BTAF1: variants seen among roughly 807,000 people sequenced by gnomAD.
The protein encoded by BTAF1 is B-TFIID TATA-box binding protein associated factor 1.
Under a neutral mutation model 227.1 loss-of-function variants are expected in BTAF1, and 38 were observed. The observed-to-expected ratio is 0.17, with a 90% CI of 0.13 to 0.22. BTAF1 has a LOEUF of 0.22. Ranked by LOEUF, BTAF1 falls within the 10% of genes least tolerant of loss-of-function variation. BTAF1 has a pLI of 1.00. For synonymous variants in BTAF1, 742 were observed against 751.9 expected, an observed-to-expected ratio of 0.99 and a Z score of 0.21; for missense variants, 1,598 against 2,204.0, an observed-to-expected ratio of 0.73 and a Z score of 5.51.
chr10:91,923,985 C>A lies in BTAF1; in HGVS notation c.-92C>A. The stretch of plus-strand genomic sequence containing the variant: ...CCGGCCGCTCCCCTGTGCTCCGCGG[C>A]CTGGGCCTGCGCCGCTCAGCTCTCT... On this transcript the variant is annotated 5_prime_UTR_variant, in exon 1 of 38. Coordinates refer to ENST00000265990, the MANE Select transcript of BTAF1 (RefSeq NM_003972.3). The A allele has an allele frequency of 1.3e-6, 2 of 1,485,254 alleles. No homozygotes were observed. The highest frequency in any genetic ancestry group is 2.4e-5 in the Admixed American group (1 of 41,902). 92.0% of individuals were successfully genotyped at this position (1,485,254 alleles called of 1,614,324 possible). A position where few individuals can be genotyped will look rare whatever the true frequency, so the allele number is the denominator to read the frequency against.
intron 34 of BTAF1, among the ~76,000 whole-genome samples, chr10:92,024,335 AT>A (rs948032820): frequency 8.5e-5 from 13 of 152,150 alleles, no homozygotes; most frequent in Admixed American, 2.6e-4. Flanking sequence ...TTCAATAAAC[AT>A]TTATTGAGGC....
intron 19 of BTAF1, among the ~76,000 whole-genome samples, chr10:91,985,010 A>G (rs1229445104): frequency 3.9e-5 from 6 of 152,026 alleles, no homozygotes; most frequent in African/African-American, 1.4e-4. Flanking sequence ...TGTTCTGAGG[A>G]AAAATTTATG....
chr10:91,924,222 G>A (rs1589718164), intron 1 of BTAF1, 132 bp downstream of exon 1: 1 of 1,265,878 alleles, frequency 7.9e-7, no homozygotes, highest in East Asian at 2.9e-5. Context: ...AGTAGACTTC[G>A]GAGTTCGCCC....
In BTAF1 at chr10:91,942,479, A is replaced by C. The variant is rs750142443; in HGVS notation, c.311A>C (p.Asp104Ala). 4 of 1,614,020 alleles carry C rather than the reference A, an allele frequency of 2.5e-6. No individual in the cohort carries two copies. The South Asian group carries it at 4.4e-5, about 18-fold the overall frequency. ...DSPTTERLNF[D>A]RFDICRLLQH... ...CCTACTACAGAGCGATTGAATTTTG[A>C]CAGATTTGATATATGTAGATTGTTA... Residue 104 changes from aspartate (D) to alanine (A), a missense_variant, in exon 4 of 38, where the codon GAC (aspartate) becomes GCC (alanine). Physicochemically the swap from Asp to Ala is moderately radical, Grantham distance 126 (BLOSUM62 -2). Coordinates refer to ENST00000265990, the MANE Select transcript of BTAF1 (RefSeq NM_003972.3).
At chr10:91,977,698 C>G (rs540038314) in intron 14 of BTAF1, among the ~76,000 whole-genome samples, 160 of 152,234 alleles carry the variant, frequency 1.1e-3, no homozygotes, top group Non-Finnish European at 1.8e-3. Context: ...AGTGAGAGTT[C>G]CTGTTGATTC....
chr10:91,946,949 C>T (rs1219730664), intron 4 of BTAF1, among the ~76,000 whole-genome samples: 2 of 151,788 alleles, frequency 1.3e-5, no homozygotes, highest in African/African-American at 4.8e-5. Context: ...AAATGATTCT[C>T]CTGCCTTGGC....
At chr10:91,942,211 G>T (rs1211360373) in intron 3 of BTAF1, among the ~76,000 whole-genome samples, 1 of 151,970 alleles carries the variant, frequency 6.6e-6, no homozygotes, top group Non-Finnish European at 1.5e-5. Flanking sequence ...TTGATCCCAG[G>T]AGTTTGAGGA....
chr10:91,964,053 T>C (rs374905439), intron 12 of BTAF1, 24 bp from the exon 13 acceptor site: 1 of 1,610,624 alleles, frequency 6.2e-7, no homozygotes, highest in African/African-American at 1.3e-5. Flanking sequence ...AATTGATAAC[T>C]TTTCTTGAAA....
At chr10:91,950,155 G>A (rs1210266807) in intron 4 of BTAF1, among the ~76,000 whole-genome samples, 5 of 54,404 alleles carry the variant, frequency 9.2e-5, no homozygotes, top group African/African-American at 2.3e-4. Flanking sequence ...TTGTGGGGGG[G>A]GGCGGGAAAG....
At chr10:91,992,773 C>A (rs1022264526) in intron 21 of BTAF1, among the ~76,000 whole-genome samples, 1 of 152,194 alleles carries the variant, frequency 6.6e-6, no homozygotes, top group Non-Finnish European at 1.5e-5. Context: ...TTTATAATGG[C>A]ACCTCTGTTA....
intron 14 of BTAF1, among the ~76,000 whole-genome samples, chr10:91,973,700 C>T (rs1233445127): frequency 2.0e-5 from 3 of 151,512 alleles, no homozygotes; most frequent in South Asian, 2.1e-4. Flanking sequence ...GTCAGGAGAT[C>T]GAGACCATCC....
Position 91,991,793 on chromosome 10 carries a change from GTGTGTATATATATATATATATATATATA to G in BTAF1, c.2855-324_2855-297del, listed in dbSNP as rs1848792841. Among the ~76,000 whole-genome samples, 342 of 83,448 alleles carry G rather than the reference GTGTGTATATATATATATATATATATATA, an allele frequency of 4.1e-3. 4 individuals are homozygous for G. The highest frequency in any genetic ancestry group is 1.0e-2 in the African/African-American group (322 of 32,354). 54.7% of individuals were successfully genotyped at this position (83,448 alleles called of 152,430 possible). On this transcript the variant is annotated intron_variant, in intron 20 of 37. Transcript: ENST00000265990. ...TATATATATGTGTGTGTGTGTGTGT[GTGTGTATATATATATATATATATATATA>G]TATATATATATACACACATATATAC... is the stretch of plus-strand genomic sequence containing the variant.
intron 14 of BTAF1, among the ~76,000 whole-genome samples, chr10:91,970,200 GC>G (rs1481630240): frequency 6.6e-6 from 1 of 151,154 alleles, no homozygotes; most frequent in Non-Finnish European, 1.5e-5. Flanking sequence ...ATACCAGAAT[GC>G]CATTGTCTTT....
chr10:91,966,888 A>G (rs1406737939), intron 14 of BTAF1, 131 bp downstream of exon 14: 9 of 732,844 alleles, frequency 1.2e-5, no homozygotes. Context: ...TATGGTAACC[A>G]TGTAGATGAA....
chr10:91,980,411 A>G, intron 14 of BTAF1, 43 bp from the exon 15 acceptor site: 7 of 1,422,224 alleles, frequency 4.9e-6, no homozygotes, highest in Non-Finnish European at 6.9e-6. Flanking sequence ...GCTAACATCC[A>G]AGAATTATAT....
Position 91,997,625 on chromosome 10 carries a change from T to C in BTAF1, c.3534T>C (p.Val1178=), listed in dbSNP as rs760966873. 1.9e-6 allele frequency: 3 copies of C among 1,613,606 alleles called. No homozygotes were observed. Among genetic ancestry groups the C allele is most frequent in the Admixed American group, 3.3e-5 (2 of 59,986 alleles). ...CAGGTGTAATGGAACAACTAGATGT[T>C]GGTATTGTTCCATATATTGTCCTTT... ...ALACVMEQLD[V]GIVPYIVLLV... is the part of the protein sequence containing the mutation. Residue 1178 remains valine (V), a synonymous_variant, in exon 25 of 38, where the codon GTT becomes GTC. Coordinates refer to ENST00000265990, the MANE Select transcript of BTAF1 (RefSeq NM_003972.3).
intron 18 of BTAF1, 40 bp from the exon 19 acceptor site, chr10:91,984,161 G>T: frequency 6.4e-7 from 1 of 1,557,152 alleles, no homozygotes; most frequent in African/African-American, 1.4e-5. Flanking sequence ...TAAAGTTAAT[G>T]TTCATACAGT....
At position 91,981,790 on chromosome 10, in the gene BTAF1, A is replaced by C; in HGVS notation, c.1903A>C (p.Lys635Gln). 6.2e-7 allele frequency: 1 copy of C among 1,612,636 alleles called. No individual in the cohort carries two copies. The highest frequency in any genetic ancestry group is 8.5e-7 in the Non-Finnish European group (1 of 1,179,280). ...NMLLEVKARA[K>Q]EKTGGKVRQG... ...GTTGCTAGAAGTAAAAGCTAGAGCC[A>C]AGGTAAGTGTAGAGGGACATAGTGT... The change falls in exon 16 of 38, where the codon AAG becomes CAG. Residue 635 changes from lysine to glutamine, a missense_variant and splice_region_variant. By Grantham distance (53) the Lys-to-Gln change is moderately conservative. Coordinates refer to ENST00000265990, the MANE Select transcript of BTAF1 (RefSeq NM_003972.3).
intron 13 of BTAF1, among the ~76,000 whole-genome samples, chr10:91,966,358 G>C (rs1273497654): frequency 1.3e-5 from 2 of 152,150 alleles, no homozygotes; most frequent in Non-Finnish European, 2.9e-5. Context: ...ACTTGATAAA[G>C]GTGACTCATA....
Sources: gnomAD v4.1 joint callset for allele counts (sites outside exome capture counted in the v4.1 genomes callset) on GRCh38, gnomAD v4.1.1 for gene constraint, MANE v1.5 for transcripts, NCBI Gene and HGNC (gene_info 2026-07-23, HGNC 2026-07-21) for gene names.